The following RFX3 variants were observed in gnomAD, a reference collection of about 807,000 sequenced individuals.
RFX3 encodes the protein regulatory factor X3.
Under a neutral mutation model 98.6 loss-of-function variants are expected in RFX3, and 14 were observed. That is an observed-to-expected ratio of 0.14 (90% CI 0.09 to 0.22). The LOEUF (loss-of-function observed/expected upper bound fraction) is 0.22, where lower values mean the gene tolerates loss of function less well. Among genes scored for constraint, RFX3 ranks in the 10% least tolerant of loss-of-function variants. The pLI is 1.00. For synonymous variants in RFX3, 383 were observed against 328.4 expected (o/e 1.17, Z -1.80); for missense variants, 639 against 926.9 (o/e 0.69, Z 4.03).
At chr9:3,314,471 G>C (rs1830343223) in intron 4 of RFX3, among the ~76,000 whole-genome samples, 1 of 152,098 alleles carries the variant, frequency 6.6e-6, no homozygotes, top group South Asian at 2.1e-4. Flanking sequence ...CAACTAACGA[G>C]CAAAATAACC....
At chr9:3,318,700 A>T (rs1253525838) in intron 4 of RFX3, among the ~76,000 whole-genome samples, 1 of 152,164 alleles carries the variant, frequency 6.6e-6, no homozygotes, top group Non-Finnish European at 1.5e-5. Flanking sequence ...TGATAATTTT[A>T]TGACGTCTAG....
chr9:3,510,811 A>G (rs1033228113), intron 1 of RFX3, among the ~76,000 whole-genome samples: 1 of 152,048 alleles, frequency 6.6e-6, no homozygotes, highest in African/African-American at 2.4e-5. Context: ...ATTAAACTTT[A>G]TACTGGTGTT....
intron 13 of RFX3, among the ~76,000 whole-genome samples, chr9:3,259,181 C>T (rs1385867403): frequency 6.6e-6 from 1 of 151,624 alleles, no homozygotes; most frequent in African/African-American, 2.4e-5. Context: ...TTTGTTTGCA[C>T]GTTGATAATT....
At chr9:3,467,064 ATATAAG>A (rs1336648965) in intron 1 of RFX3, among the ~76,000 whole-genome samples, 3 of 144,790 alleles carry the variant, frequency 2.1e-5, no homozygotes, top group African/African-American at 7.6e-5. Flanking sequence ...ACATACATAT[ATATAAG>A]TATATATGTA....
At chr9:3,438,468 A>T (rs1035109034) in intron 1 of RFX3, among the ~76,000 whole-genome samples, 1 of 152,064 alleles carries the variant, frequency 6.6e-6, no homozygotes, top group Admixed American at 6.6e-5. Flanking sequence ...TAGAAAAAGA[A>T]AAAGAAAGAA....
rs1028267098 is a variant in RFX3 at position 3,254,004 on chromosome 9, C to T, written c.1814+2987G>A. On this transcript the variant is annotated intron_variant, in intron 14 of 16. Transcript: ENST00000617270. ...GAGGTATGCATCTGTCTGAATGTGCCTTTCCTTCTGGGGCCCTGAACTGTA... is the reference window on the plus strand; with the variant it reads ...GAGGTATGCATCTGTCTGAATGTGCTTTTCCTTCTGGGGCCCTGAACTGTA... Among the ~76,000 whole-genome samples the T allele has an allele frequency of 6.6e-5, 10 of 152,042 alleles. No individual in the cohort carries two copies. The East Asian group carries it at 1.9e-3, about 29-fold the overall frequency.
intron 5 of RFX3, among the ~76,000 whole-genome samples, chr9:3,300,968 T>G (rs1046516865): frequency 2.0e-5 from 3 of 151,880 alleles, no homozygotes; most frequent in Non-Finnish European, 4.4e-5. Flanking sequence ...TATTAGCAAT[T>G]TATGGCTTGT....
chr9:3,274,706 C>T lies in RFX3; in HGVS notation c.1086+794G>A, dbSNP rs1365636578. Among the ~76,000 whole-genome samples the T allele has an allele frequency of 2.0e-5, 3 of 152,094 alleles. No homozygotes were observed. In the East Asian group the frequency reaches 5.8e-4, roughly 29 times the overall value. Reference sequence around the variant, plus strand: ...GAAATTATTTTAATAGAAATATACACTTATGATATAAAATTCAAAAGATAA... The same window carrying T: ...GAAATTATTTTAATAGAAATATACATTTATGATATAAAATTCAAAAGATAA... On this transcript the variant is annotated intron_variant, in intron 9 of 16. Transcript: ENST00000617270.
chr9:3,250,593 A>T (rs1391460889), intron 14 of RFX3, among the ~76,000 whole-genome samples: 1 of 152,136 alleles, frequency 6.6e-6, no homozygotes, highest in African/African-American at 2.4e-5. Flanking sequence ...CCAGCAATCT[A>T]ATTCTAGAAA....
intron 1 of RFX3, among the ~76,000 whole-genome samples, chr9:3,459,312 T>C (rs1246047325): frequency 2.6e-5 from 4 of 152,186 alleles, no homozygotes; most frequent in Non-Finnish European, 5.9e-5. Context: ...CATCTAGTTA[T>C]CTCAGAATCA....
chr9:3,230,875 C>G (rs980165719), intron 15 of RFX3, among the ~76,000 whole-genome samples: 2 of 152,150 alleles, frequency 1.3e-5, no homozygotes, highest in Admixed American at 6.5e-5. Context: ...TGTCTAAAAC[C>G]AAACTCTGGA....
At chr9:3,336,258 A>G (rs1194343316) in intron 3 of RFX3, among the ~76,000 whole-genome samples, 1 of 152,318 alleles carries the variant, frequency 6.6e-6, no homozygotes, top group Non-Finnish European at 1.5e-5. Flanking sequence ...CAAATATTTA[A>G]TAAGCATCTA....
intron 1 of RFX3, among the ~76,000 whole-genome samples, chr9:3,492,363 G>A (rs772324697): frequency 1.3e-5 from 2 of 152,200 alleles, no homozygotes; most frequent in African/African-American, 2.4e-5. Flanking sequence ...TGAGACTCAG[G>A]CGAGAGGGCC....
intron 1 of RFX3, among the ~76,000 whole-genome samples, chr9:3,522,003 T>C (rs1013625441): frequency 6.6e-6 from 1 of 152,042 alleles, no homozygotes; most frequent in African/African-American, 2.4e-5. Context: ...ATAAAAGTTA[T>C]GTTAAATTAC....
At chr9:3,381,025 T>A (rs1399088839) in intron 2 of RFX3, among the ~76,000 whole-genome samples, 2 of 152,094 alleles carry the variant, frequency 1.3e-5, no homozygotes, top group African/African-American at 4.8e-5. Flanking sequence ...ATATTTTTAA[T>A]ACCTAATTAA....
chr9:3,352,657 G>A (rs1270222778), intron 2 of RFX3, among the ~76,000 whole-genome samples: 1 of 151,974 alleles, frequency 6.6e-6, no homozygotes, highest in East Asian at 1.9e-4. Flanking sequence ...CCTGCCACAT[G>A]AAACAAATAG....
intron 1 of RFX3, among the ~76,000 whole-genome samples, chr9:3,403,185 TG>T (rs1381625959): frequency 6.6e-6 from 1 of 152,040 alleles, no homozygotes; most frequent in Non-Finnish European, 1.5e-5. Context: ...CCAGTACAAA[TG>T]AAAAAACTAG....
At chr9:3,501,382 A>G (rs897322213) in intron 1 of RFX3, among the ~76,000 whole-genome samples, 1 of 152,116 alleles carries the variant, frequency 6.6e-6, no homozygotes, top group Non-Finnish European at 1.5e-5. Flanking sequence ...TTTTCTGTAC[A>G]CATGTATTAC....
intron 1 of RFX3, among the ~76,000 whole-genome samples, chr9:3,517,913 C>A (rs780931555): frequency 6.6e-6 from 1 of 152,182 alleles, no homozygotes. Flanking sequence ...CAACAACAAA[C>A]CACATCCCAT....
Sources: gnomAD v4.1 joint callset for allele counts (sites outside exome capture counted in the v4.1 genomes callset) on GRCh38, gnomAD v4.1.1 for gene constraint, MANE v1.5 for transcripts, NCBI Gene and HGNC (gene_info 2026-07-23, HGNC 2026-07-21) for gene names.